The following SUGCT variants were observed in gnomAD, a reference collection of about 807,000 sequenced individuals.
The protein encoded by SUGCT is succinyl-CoA:glutarate CoA-transferase.
Under a neutral mutation model 55.0 loss-of-function variants are expected in SUGCT, and 41 were observed. The ratio of observed to expected loss-of-function variants is 0.74; its 90% CI spans 0.58 to 0.97. SUGCT has a LOEUF of 0.97. SUGCT is among the 50% of genes least tolerant of loss of function. SUGCT has a pLI of 0.00. For synonymous variants in SUGCT, 187 were observed against 200.4 expected, an observed-to-expected ratio of 0.93 and a Z score of 0.56; for missense variants, 568 against 547.8, an observed-to-expected ratio of 1.04 and a Z score of -0.37.
At chr7:40,391,477 A>G (rs1484446077) in intron 9 of SUGCT, among the ~76,000 whole-genome samples, 2 of 152,234 alleles carry the variant, frequency 1.3e-5, no homozygotes, top group African/African-American at 4.8e-5. Context: ...GGCAAAGGAT[A>G]TGAACAGACA....
At chr7:40,366,315 A>G (rs891101041) in intron 9 of SUGCT, among the ~76,000 whole-genome samples, 1 of 152,202 alleles carries the variant, frequency 6.6e-6, no homozygotes, top group African/African-American at 2.4e-5. Flanking sequence ...AAAACCCTAG[A>G]AGAAAACCTA....
chr7:40,756,871 A>T (rs12701830), intron 13 of SUGCT, among the ~76,000 whole-genome samples: 82,482 of 152,040 alleles, frequency 0.54, 24,276 homozygotes, highest in Admixed American at 0.71. Context: ...CATACTCCTT[A>T]AGGGACCAGG....
chr7:40,626,602 C>T (rs1007313114), intron 12 of SUGCT, among the ~76,000 whole-genome samples: 4 of 152,094 alleles, frequency 2.6e-5, no homozygotes, highest in Non-Finnish European at 5.9e-5. Flanking sequence ...CAGCTTTCTC[C>T]TGGGAATGTG....
intron 13 of SUGCT, among the ~76,000 whole-genome samples, chr7:40,806,923 C>T (rs1404656587): frequency 3.3e-5 from 5 of 152,142 alleles, no homozygotes; most frequent in Admixed American, 2.6e-4. Context: ...ACTTGGCAGT[C>T]TCTGGCTTCA....
chr7:40,873,017 T>C, the SUGCT span, among the ~76,000 whole-genome samples: 1 of 152,128 alleles, frequency 6.6e-6, no homozygotes, highest in Non-Finnish European at 1.5e-5. Context: ...GCTGATCCCT[T>C]GATCAGAACA....
chr7:40,190,187 C>A (rs1785802140), intron 5 of SUGCT, among the ~76,000 whole-genome samples: 1 of 152,212 alleles, frequency 6.6e-6, no homozygotes, highest in Non-Finnish European at 1.5e-5. Context: ...TGACCTCAGA[C>A]AGGTTACATA....
intron 7 of SUGCT, among the ~76,000 whole-genome samples, chr7:40,268,330 A>G (rs1034071611): frequency 6.6e-6 from 1 of 152,176 alleles, no homozygotes; most frequent in African/African-American, 2.4e-5. Context: ...TGGACAGTTC[A>G]CGTAAATGGA....
intron 12 of SUGCT, among the ~76,000 whole-genome samples, chr7:40,621,781 C>T (rs1018286690): frequency 6.6e-6 from 1 of 152,214 alleles, no homozygotes; most frequent in Non-Finnish European, 1.5e-5. Context: ...ATTTCTCAGA[C>T]ATTTTTCATC....
chr7:40,686,730 C>G (rs1053846001), intron 12 of SUGCT, among the ~76,000 whole-genome samples: 2 of 152,120 alleles, frequency 1.3e-5, no homozygotes, highest in African/African-American at 4.8e-5. Context: ...TGTCTTTGTT[C>G]TAGGAGCTCA....
chr7:40,713,097 C>T (rs1261659549), intron 12 of SUGCT, among the ~76,000 whole-genome samples: 1 of 152,146 alleles, frequency 6.6e-6, no homozygotes, highest in Non-Finnish European at 1.5e-5. Context: ...GCTTCTGTTC[C>T]GTTTCCTCAC....
At chr7:40,761,082 C>T (rs945578924) in intron 13 of SUGCT, among the ~76,000 whole-genome samples, 4 of 152,192 alleles carry the variant, frequency 2.6e-5, no homozygotes, top group South Asian at 2.1e-4. Context: ...ATCATCCTTT[C>T]GTTTAACAAA....
intron 7 of SUGCT, among the ~76,000 whole-genome samples, chr7:40,252,409 G>T (rs1790489914): frequency 1.3e-5 from 2 of 151,658 alleles, no homozygotes; most frequent in Admixed American, 1.3e-4. Context: ...ATGCGCCACT[G>T]TGCCTGGCCC....
intron 1 of SUGCT, among the ~76,000 whole-genome samples, chr7:40,149,698 A>C (rs1336194842): frequency 6.6e-6 from 1 of 152,160 alleles, no homozygotes; most frequent in African/African-American, 2.4e-5. Context: ...CAGGTGGATC[A>C]CCTGAGGTCA....
intron 12 of SUGCT, among the ~76,000 whole-genome samples, chr7:40,561,744 T>G (rs1371226328): frequency 7.2e-6 from 1 of 138,766 alleles, no homozygotes; most frequent in Non-Finnish European, 1.5e-5. Flanking sequence ...CAGGGTGGAG[T>G]GCAGTGGTAT....
chr7:40,583,857 A>G (rs920852300), intron 12 of SUGCT, among the ~76,000 whole-genome samples: 2 of 152,346 alleles, frequency 1.3e-5, no homozygotes, highest in Non-Finnish European at 2.9e-5. Flanking sequence ...TATGTAACCC[A>G]GTTCAGGATC....
At chr7:40,805,467 A>C (rs1299333472) in intron 13 of SUGCT, among the ~76,000 whole-genome samples, 1 of 152,220 alleles carries the variant, frequency 6.6e-6, no homozygotes, top group Non-Finnish European at 1.5e-5. Flanking sequence ...AGGCCAAAAA[A>C]GCATTGTTTA....
intron 9 of SUGCT, among the ~76,000 whole-genome samples, chr7:40,365,862 C>T (rs1426213667): frequency 2.0e-5 from 3 of 152,116 alleles, no homozygotes; most frequent in East Asian, 1.9e-4. Flanking sequence ...AGATTCAATG[C>T]CATCCCCATC....
At chr7:40,788,294 CAG>C (rs1313713757) in intron 13 of SUGCT, among the ~76,000 whole-genome samples, 1 of 152,158 alleles carries the variant, frequency 6.6e-6, no homozygotes. Context: ...AAATGAGATC[CAG>C]AGTCTCATAA....
chr7:40,633,521 G>A (rs1338979543), intron 12 of SUGCT, among the ~76,000 whole-genome samples: 1 of 152,180 alleles, frequency 6.6e-6, no homozygotes, highest in Non-Finnish European at 1.5e-5. Flanking sequence ...CAGTGCATAT[G>A]TCAAATCACC....
Sources: gnomAD v4.1 joint callset for allele counts (sites outside exome capture counted in the v4.1 genomes callset) on GRCh38, gnomAD v4.1.1 for gene constraint, MANE v1.5 for transcripts, NCBI Gene and HGNC (gene_info 2026-07-23, HGNC 2026-07-21) for gene names.